PRKN: variants seen among roughly 807,000 people sequenced by gnomAD.
PRKN encodes the protein parkin RBR E3 ubiquitin protein ligase, also known as E3 ubiquitin-protein ligase parkin.
In PRKN, 56 loss-of-function variants were observed where a neutral mutation model predicts 59.5. The observed-to-expected ratio is 0.94, with a 90% CI of 0.76 to 1.18. PRKN has a LOEUF of 1.18. PRKN is among the 50% of genes most tolerant of loss of function. The pLI is 0.00. For missense variants in PRKN, 657 were observed against 596.4 expected (o/e 1.10, Z -1.06); for synonymous variants, 250 against 222.1 (o/e 1.13, Z -1.12).
chr6:162,148,110 A>T (rs912010869), intron 4 of PRKN, among the ~76,000 whole-genome samples: 2 of 152,196 alleles, frequency 1.3e-5, no homozygotes, highest in African/African-American at 2.4e-5. Context: ...AATCCAGTTG[A>T]CTAGCCTTGT....
At chr6:161,891,571 A>G (rs1219480022) in intron 6 of PRKN, among the ~76,000 whole-genome samples, 2 of 152,146 alleles carry the variant, frequency 1.3e-5, no homozygotes, top group African/African-American at 2.4e-5. Flanking sequence ...TTGTTTTTAG[A>G]GTGTCTTCCA....
intron 1 of PRKN, among the ~76,000 whole-genome samples, chr6:162,714,893 T>C (rs911554908): frequency 4.6e-5 from 7 of 152,006 alleles, no homozygotes; most frequent in African/African-American, 1.7e-4. Flanking sequence ...ATTCAAATAA[T>C]TTAAGCACTT....
intron 9 of PRKN, among the ~76,000 whole-genome samples, chr6:161,492,257 C>T (rs1300757651): frequency 6.6e-6 from 1 of 152,226 alleles, no homozygotes; most frequent in Non-Finnish European, 1.5e-5. Context: ...AGAAGCTATT[C>T]TTGTCAGATG....
intron 4 of PRKN, among the ~76,000 whole-genome samples, chr6:162,090,986 A>G (rs1422500156): frequency 6.6e-6 from 1 of 152,190 alleles, no homozygotes; most frequent in Admixed American, 6.5e-5. Flanking sequence ...AAGATTCTTA[A>G]TTAGCAACCA....
intron 1 of PRKN, among the ~76,000 whole-genome samples, chr6:162,687,700 A>G (rs769591857): frequency 2.0e-5 from 3 of 152,178 alleles, no homozygotes; most frequent in Non-Finnish European, 4.4e-5. Flanking sequence ...TTTGTTATTG[A>G]AGATGTGTAT....
At chr6:161,486,430 G>T (rs1330229210) in intron 9 of PRKN, among the ~76,000 whole-genome samples, 1 of 152,136 alleles carries the variant, frequency 6.6e-6, no homozygotes, top group East Asian at 1.9e-4. Flanking sequence ...TTCATGCATA[G>T]AACCATAAGG....
intron 1 of PRKN, among the ~76,000 whole-genome samples, chr6:162,617,601 T>C (rs967561724): frequency 5.9e-5 from 9 of 152,096 alleles, no homozygotes; most frequent in African/African-American, 2.2e-4. Flanking sequence ...GCTAGAACTT[T>C]GTACCCTTTG....
chr6:162,187,374 G>T (rs1784073855), intron 4 of PRKN, among the ~76,000 whole-genome samples: 1 of 152,150 alleles, frequency 6.6e-6, no homozygotes, highest in South Asian at 2.1e-4. Context: ...CATATCCCAT[G>T]ACAGTGTCAG....
At chr6:161,589,072 A>G (rs1278439377) in intron 7 of PRKN, among the ~76,000 whole-genome samples, 1 of 152,252 alleles carries the variant, frequency 6.6e-6, no homozygotes, top group East Asian at 1.9e-4. Context: ...AATGAGAAAT[A>G]GTATATTTCC....
chr6:162,291,927 T>C (rs1295096339), intron 2 of PRKN, among the ~76,000 whole-genome samples: 3 of 151,620 alleles, frequency 2.0e-5, no homozygotes, highest in African/African-American at 7.3e-5. Context: ...ATACAATTCA[T>C]AGTATCTTCC....
At chr6:162,520,107 T>A (rs933446684) in intron 1 of PRKN, among the ~76,000 whole-genome samples, 11 of 152,258 alleles carry the variant, frequency 7.2e-5, no homozygotes, top group Middle Eastern at 3.4e-3. Context: ...TATATATTTT[T>A]AAATATGGCT....
intron 4 of PRKN, among the ~76,000 whole-genome samples, chr6:162,101,391 A>G (rs1029003939): frequency 6.6e-6 from 1 of 151,738 alleles, no homozygotes; most frequent in Non-Finnish European, 1.5e-5. Flanking sequence ...TGACTGGGCC[A>G]GGCGCGGTGG....
intron 7 of PRKN, among the ~76,000 whole-genome samples, chr6:161,754,431 G>A (rs1788825316): frequency 6.6e-6 from 1 of 152,094 alleles, no homozygotes; most frequent in Non-Finnish European, 1.5e-5. Context: ...GGAAGTGCAC[G>A]GGCCATGGCG....
chr6:161,734,469 A>G (rs986007431), intron 7 of PRKN, among the ~76,000 whole-genome samples: 2 of 152,204 alleles, frequency 1.3e-5, no homozygotes, highest in African/African-American at 4.8e-5. Flanking sequence ...TGAAAGGCAG[A>G]TCGCAAAGTC....
intron 8 of PRKN, among the ~76,000 whole-genome samples, chr6:161,559,552 A>G (rs1364091364): frequency 6.6e-6 from 1 of 152,206 alleles, no homozygotes; most frequent in Non-Finnish European, 1.5e-5. Flanking sequence ...CTTCCTTGAA[A>G]GGAGCTGGGG....
chr6:161,878,615 A>C (rs1276022667), intron 6 of PRKN, among the ~76,000 whole-genome samples: 1 of 152,218 alleles, frequency 6.6e-6, no homozygotes, highest in African/African-American at 2.4e-5. Flanking sequence ...TTGAAAAATC[A>C]AGAATTCCAA....
At chr6:162,002,359 T>C (rs975220168) in intron 5 of PRKN, among the ~76,000 whole-genome samples, 2 of 152,102 alleles carry the variant, frequency 1.3e-5, no homozygotes, top group Non-Finnish European at 2.9e-5. Flanking sequence ...TTTCAGACTG[T>C]CTATTTCTTC....
intron 1 of PRKN, among the ~76,000 whole-genome samples, chr6:162,562,886 C>A (rs542095921): frequency 6.6e-6 from 1 of 152,244 alleles, no homozygotes; most frequent in Admixed American, 6.5e-5. Flanking sequence ...GAGACTCAGC[C>A]CTTTGTTGGC....
intron 1 of PRKN, among the ~76,000 whole-genome samples, chr6:162,610,490 G>T (rs768618586): frequency 1.3e-5 from 2 of 152,112 alleles, no homozygotes; most frequent in Non-Finnish European, 2.9e-5. Context: ...CTCACATATT[G>T]TATAATATTA....
Sources: allele counts gnomAD v4.1 joint callset (sites outside exome capture counted in the v4.1 genomes callset), GRCh38; gene constraint gnomAD v4.1.1; transcripts MANE v1.5; gene names NCBI Gene and HGNC (gene_info 2026-07-23, HGNC 2026-07-21).